MYRF: variants seen among roughly 807,000 people sequenced by gnomAD.
MYRF encodes myelin gene regulatory factor.
MYRF carries 16 observed loss-of-function variants against 126.3 expected under a neutral mutation model. The ratio of observed to expected loss-of-function variants is 0.13; its 90% CI spans 0.09 to 0.19. The LOEUF is 0.19. MYRF is among the 10% of genes least tolerant of loss of function. MYRF has a pLI of 1.00. For synonymous variants in MYRF, 608 were observed against 635.3 expected, an observed-to-expected ratio of 0.96 and a Z score of 0.65; for missense variants, 1,104 against 1,547.0, an observed-to-expected ratio of 0.71 and a Z score of 4.80.
chr11:61,777,672 C>T lies in MYRF; in HGVS notation c.1792-62C>T. On this transcript the variant is annotated intron_variant, in intron 12 of 26. Coordinates refer to ENST00000278836, the MANE Select transcript of MYRF (RefSeq NM_001127392.3). The surrounding 1 kb of genome is among the most constrained non-coding windows in gnomAD (Gnocchi z 8.8). Reference sequence around the variant, plus strand: ...GCCTCCAGGCTGCCGCCCTCCTGGGCTCCGGGGCCTGCTCCGGGACGGCCG... The same window carrying T: ...GCCTCCAGGCTGCCGCCCTCCTGGGTTCCGGGGCCTGCTCCGGGACGGCCG... 6.7e-7 allele frequency: 1 copy of T among 1,487,832 alleles called. No homozygotes were observed. Among genetic ancestry groups the T allele is most frequent in the Non-Finnish European group, 9.1e-7 (1 of 1,094,008 alleles). The allele number at this position is 1,487,832 out of a possible 1,614,324, so 92.2% of individuals were successfully genotyped here.
In MYRF at chr11:61,780,259, C is replaced by G; in HGVS notation, c.2374C>G (p.Arg792Gly). The change falls in exon 18 of 27, where the codon CGC becomes GGC. Residue 792 changes from arginine (R) to glycine (G), a missense_variant. Coordinates refer to ENST00000278836, the MANE Select transcript of MYRF (RefSeq NM_001127392.3). ...SMSTLYVLSLRTEEDLVDTDG... is the reference protein window; with the variant it reads ...SMSTLYVLSLGTEEDLVDTDG... The stretch of plus-strand genomic sequence containing the variant: ...GTCCACACTGTACGTGCTGAGCCTG[C>G]GCACAGAGGAGGACCTGGTAGACAC... 6.2e-7 allele frequency: 1 copy of G among 1,613,824 alleles called. No homozygotes were observed. The highest frequency in any genetic ancestry group is 8.5e-7 in the Non-Finnish European group (1 of 1,179,852).
At position 61,777,949 on chromosome 11, in the gene MYRF, G is replaced by A. The variant is rs914420247; in HGVS notation, c.1903+104G>A. 2.1e-5 allele frequency: 19 copies of A among 885,586 alleles called. No homozygotes were observed. Among genetic ancestry groups the A allele is most frequent in the African/African-American group, 1.0e-4 (6 of 59,336 alleles). The allele number at this position is 885,586 out of a possible 1,614,324, so 54.9% of individuals were successfully genotyped here. On this transcript the variant is annotated intron_variant, in intron 13 of 26. Coordinates refer to ENST00000278836, the MANE Select transcript of MYRF (RefSeq NM_001127392.3). This position sits in a 1 kb window ranked among gnomAD's most constrained non-coding sequence, Gnocchi z 8.8. ...GGAAATCCTACTCCTCTTGACTCCCGGAACTGCGCCCCTGGGAATCATGCC... is the reference window on the plus strand; with the variant it reads ...GGAAATCCTACTCCTCTTGACTCCCAGAACTGCGCCCCTGGGAATCATGCC...
chr11:61,769,591 G>A (rs900453637), intron 4 of MYRF, among the ~76,000 whole-genome samples: 16 of 152,190 alleles, frequency 1.1e-4, no homozygotes, highest in African/African-American at 2.9e-4. Context: ...GTAAGTGGGT[G>A]GCTGGGGAAG....
chr11:61,780,835 C>A (rs933706057), intron 19 of MYRF, 43 bp downstream of exon 19: 44 of 1,555,676 alleles, frequency 2.8e-5, no homozygotes, highest in Non-Finnish European at 3.7e-5. Flanking sequence ...TCCTGCTGCC[C>A]CTCTTCCTGC....
rs764304420 is a variant in MYRF, at chr11:61,765,720, G to A, written c.134+8G>A. The A allele has an allele frequency of 1.9e-6, 3 of 1,608,262 alleles. No homozygotes were observed. Among genetic ancestry groups the A allele is most frequent in the African/African-American group, 2.7e-5 (2 of 74,724 alleles). On this transcript the variant is annotated splice_region_variant and intron_variant, in intron 2 of 26. Coordinates refer to ENST00000278836, the MANE Select transcript of MYRF (RefSeq NM_001127392.3). ...GGAGGATGCCTCCGACCTGTGAGTG[G>A]CCCCCTCGCCCGGCCTGCACCCGCC...
chr11:61,771,413 G>A, intron 5 of MYRF, 87 bp from the exon 6 acceptor site: 1 of 1,529,396 alleles, frequency 6.5e-7, no homozygotes. Flanking sequence ...GCCCAAACAG[G>A]CTAGAGAGGG....
Position 61,771,698 on chromosome 11 carries a change from C to T in MYRF, c.939C>T (p.Ser313=), listed in dbSNP as rs145789490. The T allele has an allele frequency of 1.0e-3, 1,659 of 1,613,764 alleles. 4 individuals are homozygous for T. Among genetic ancestry groups the T allele is most frequent in the Non-Finnish European group, 7.7e-4 (912 of 1,179,940 alleles). The change falls in exon 6 of 27, where the codon AGC becomes AGT. Residue 313 remains serine (S), a synonymous_variant. Transcript: ENST00000278836. ...LSPGPGSLPL[S]IARVQTPPWH... ...CGGGCCCTGGTTCCTTGCCTCTCAG[C>T]ATTGCCCGTGTCCAGACACCGCCTT...
intron 4 of MYRF, among the ~76,000 whole-genome samples, chr11:61,769,645 C>G (rs551369804): frequency 6.6e-6 from 1 of 152,252 alleles, no homozygotes; most frequent in Non-Finnish European, 1.5e-5. Flanking sequence ...GCCGGGCCCA[C>G]CTCACCTTAG....
In MYRF at chr11:61,778,474, C is replaced by T. The variant is rs748130409; in HGVS notation, c.1998C>T (p.Phe666=). ...VFANGKTIEN[F]LVVNKERIFM... is the part of the protein sequence containing the mutation. ...CCAATGGGAAAACCATAGAGAACTT[C>T]CTGGTGGTGAACAAGGTCTGTGGGT... The change falls in exon 14 of 27, where the codon TTC becomes TTT. Residue 666 remains phenylalanine (F), a synonymous_variant. Coordinates refer to ENST00000278836, the MANE Select transcript of MYRF (RefSeq NM_001127392.3). The surrounding 1 kb of genome is among the most constrained non-coding windows in gnomAD (Gnocchi z 4.6). 1 of 1,613,640 alleles carries T rather than the reference C, an allele frequency of 6.2e-7. No homozygotes were observed. The highest frequency in any genetic ancestry group is 8.5e-7 in the Non-Finnish European group (1 of 1,179,600).
At chr11:61,775,022 C>T (rs1329356010) in intron 8 of MYRF, among the ~76,000 whole-genome samples, 1 of 152,216 alleles carries the variant, frequency 6.6e-6, no homozygotes, top group African/African-American at 2.4e-5. Flanking sequence ...TCAGGGCCCT[C>T]TTTCCCCAAC....
intron 5 of MYRF, among the ~76,000 whole-genome samples, 162 bp downstream of exon 5, chr11:61,770,687 T>C (rs2066194321): frequency 6.6e-6 from 1 of 152,168 alleles, no homozygotes; most frequent in African/African-American, 2.4e-5. Flanking sequence ...TTATACATGT[T>C]TACCCAGCAA....
intron 1 of MYRF, chr11:61,754,275 C>G (rs757999680): frequency 2.0e-5 from 3 of 152,472 alleles, no homozygotes; most frequent in Non-Finnish European, 4.4e-5. Context: ...CTGGACACCC[C>G]ACAGACCCAG....
chr11:61,766,412 G>A, intron 3 of MYRF, 191 bp downstream of exon 3: 1 of 562,326 alleles, frequency 1.8e-6, no homozygotes, highest in Non-Finnish European at 3.0e-6. Context: ...TTTGTTCTGA[G>A]GCAGTGGGCA....
In MYRF at chr11:61,773,956, C is replaced by T. The variant is rs745453799; in HGVS notation, c.1116-11C>T. On this transcript the variant is annotated splice_polypyrimidine_tract_variant and intron_variant, in intron 7 of 26. Transcript: ENST00000278836. ...GGGGCCTCAGGGGAGTGCCCTCACC[C>T]GCCCCCCCAGGCCCATGCTCACCTA... The T allele has an allele frequency of 1.1e-5, 18 of 1,598,194 alleles. No individual in the cohort carries two copies. The highest frequency in any genetic ancestry group is 3.4e-5 in the Admixed American group (2 of 58,436).
At chr11:61,755,403 A>G (rs2065722698) in intron 1 of MYRF, 2 of 1,607,762 alleles carry the variant, frequency 1.2e-6, no homozygotes, top group Non-Finnish European at 1.7e-6. Flanking sequence ...GGGCCTGCAG[A>G]GAGGGGACCC....
At chr11:61,764,487 G>C (rs1420956127) in intron 1 of MYRF, among the ~76,000 whole-genome samples, 1 of 152,210 alleles carries the variant, frequency 6.6e-6, no homozygotes, top group Non-Finnish European at 1.5e-5. Context: ...GCAGGGAGTG[G>C]CTGAGCCAGG....
chr11:61,785,390 T>G, intron 25 of MYRF: 1 of 175,612 alleles, frequency 5.7e-6, no homozygotes, highest in East Asian at 1.6e-4. Flanking sequence ...AGCTGTGTGA[T>G]TTTGCCACAC....
At chr11:61,758,170 G>A (rs2065809977) in intron 1 of MYRF, among the ~76,000 whole-genome samples, 1 of 152,160 alleles carries the variant, frequency 6.6e-6, no homozygotes, top group African/African-American at 2.4e-5. Context: ...TATGGAGGGG[G>A]CTCCCGGACA....
chr11:61,776,048 C>A lies in MYRF; in HGVS notation c.1312-8C>A, dbSNP rs1299571357. 6 of 1,613,684 alleles carry A rather than the reference C, an allele frequency of 3.7e-6. No individual in the cohort carries two copies. The highest frequency in any genetic ancestry group is 1.3e-5 in the African/African-American group (1 of 74,864). On this transcript the variant is annotated splice_region_variant and splice_polypyrimidine_tract_variant and intron_variant, in intron 8 of 26. Coordinates refer to ENST00000278836, the MANE Select transcript of MYRF (RefSeq NM_001127392.3). This position sits in a 1 kb window ranked among gnomAD's most constrained non-coding sequence, Gnocchi z 4.3. Reference sequence around the variant, plus strand: ...ATCCTGAGGTGCCACTGGCTTCACTCCCCACAGCTGGAGGCCCTGAACCAG... The same window carrying A: ...ATCCTGAGGTGCCACTGGCTTCACTACCCACAGCTGGAGGCCCTGAACCAG...
Sources: allele counts gnomAD v4.1 joint callset (sites outside exome capture counted in the v4.1 genomes callset), GRCh38; gene constraint gnomAD v4.1.1; non-coding constraint Gnocchi (gnomAD v3.1); transcripts MANE v1.5; gene names NCBI Gene and HGNC (gene_info 2026-07-23, HGNC 2026-07-21).